MPP4: variants seen among roughly 807,000 people sequenced by gnomAD.
MPP4 encodes MAGUK p55 subfamily member 4.
MPP4 carries 91 observed loss-of-function variants against 98.3 expected under a neutral mutation model. The observed-to-expected ratio is 0.93, with a 90% CI of 0.78 to 1.10. The LOEUF (loss-of-function observed/expected upper bound fraction) is 1.10, where lower values mean the gene tolerates loss of function less well. Ranked by LOEUF, MPP4 falls within the 50% of genes least tolerant of loss-of-function variation. The probability of loss-of-function intolerance (pLI) is 0.00; values close to 1 mark genes in which losing one functional copy is unlikely to be tolerated. For missense variants in MPP4, 744 were observed against 792.9 expected, an observed-to-expected ratio of 0.94 and a Z score of 0.74; for synonymous variants, 261 against 271.8, an observed-to-expected ratio of 0.96 and a Z score of 0.39.
intron 10 of MPP4, among the ~76,000 whole-genome samples, chr2:201,678,183 A>G (rs536877977): frequency 1.3e-5 from 2 of 152,242 alleles, no homozygotes; most frequent in East Asian, 3.9e-4. Context: ...CAAGAAACCC[A>G]TAATTGGGTT....
At chr2:201,647,378 T>A (rs1474752577) in intron 21 of MPP4, among the ~76,000 whole-genome samples, 1 of 151,930 alleles carries the variant, frequency 6.6e-6, no homozygotes, top group Admixed American at 6.6e-5. Flanking sequence ...AAGTAAAAAA[T>A]AAGGGTAGCA....
Position 201,649,687 on chromosome 2 carries a change from G to T in MPP4, c.1476-3C>A. ...TGTACTCACCATACTCCAGCATCCT[G>T]CAAGAGCAGGCCAAACAAAACAGAA... On this transcript the variant is annotated splice_region_variant and splice_polypyrimidine_tract_variant and intron_variant, in intron 19 of 21. Transcript: ENST00000409474. 1 of 1,597,602 alleles carries T rather than the reference G, an allele frequency of 6.3e-7. No homozygotes were observed. Among genetic ancestry groups the T allele is most frequent in the Non-Finnish European group, 8.6e-7 (1 of 1,168,784 alleles).
At chr2:201,654,385 T>C (rs1687798641) in intron 18 of MPP4, among the ~76,000 whole-genome samples, 1 of 152,246 alleles carries the variant, frequency 6.6e-6, no homozygotes, top group African/African-American at 2.4e-5. Flanking sequence ...TGGGTGTATG[T>C]TAACTATTAT....
At chr2:201,664,779 A>G (rs567079607) in intron 13 of MPP4, among the ~76,000 whole-genome samples, 1 of 152,348 alleles carries the variant, frequency 6.6e-6, no homozygotes, top group Non-Finnish European at 1.5e-5. Flanking sequence ...ATATAGTTAT[A>G]AGGCAATTCA....
chr2:201,692,334 A>G (rs1267981995), intron 3 of MPP4, among the ~76,000 whole-genome samples: 1 of 152,142 alleles, frequency 6.6e-6, no homozygotes, highest in Admixed American at 6.5e-5. Flanking sequence ...ACCTGAGGTC[A>G]GGAGTTTGAG....
chr2:201,664,483 G>T (rs969423521), intron 13 of MPP4: 1 of 658,076 alleles, frequency 1.5e-6, no homozygotes, highest in South Asian at 1.9e-5. Context: ...GATGTAGGAG[G>T]GGTGCACCCT....
Position 201,685,101 on chromosome 2 carries a change from C to T in MPP4, c.537G>A (p.Val179=), listed in dbSNP as rs1688782967. The change falls in exon 7 of 22, where the codon GTG becomes GTA. Residue 179 remains valine, a synonymous_variant. Transcript: ENST00000409474. Reference sequence around the variant, plus strand: ...CCAGCCCACCGTGGATGATCCTGGCCACCAAGATGTCCCCTGTCATCTCGT... The same window carrying T: ...CCAGCCCACCGTGGATGATCCTGGCTACCAAGATGTCCCCTGTCATCTCGT... ...KRHEMTGDIL[V]ARIIHGGLAE... is the part of the protein sequence containing the mutation. The T allele has an allele frequency of 1.2e-6, 2 of 1,612,332 alleles. No individual in the cohort carries two copies. Among genetic ancestry groups the T allele is most frequent in the African/African-American group, 1.3e-5 (1 of 74,888 alleles).
chr2:201,654,834 T>A lies in MPP4; in HGVS notation c.1381+3A>T, dbSNP rs748665956. 3.1e-6 allele frequency: 5 copies of A among 1,595,480 alleles called. No homozygotes were observed. The highest frequency in any genetic ancestry group is 3.5e-5 in the Admixed American group (2 of 57,278). Reference sequence around the variant, plus strand: ...ACCATTATGAAAGCAGAACTAAACATACGTGGCACAGCACTTTGAAAATGG... The same window carrying A: ...ACCATTATGAAAGCAGAACTAAACAAACGTGGCACAGCACTTTGAAAATGG... On this transcript the variant is annotated splice_donor_region_variant and intron_variant, in intron 18 of 21. Transcript: ENST00000409474.
intron 1 of MPP4, among the ~76,000 whole-genome samples, chr2:201,696,387 G>A (rs72613730): frequency 0.079 from 11,965 of 152,218 alleles, 566 homozygotes; most frequent in East Asian, 0.24. Context: ...ATTGAAAAGG[G>A]AGATGGAGTG....
rs200908080 is a variant in MPP4, at chr2:201,680,989, C to T, written c.778G>A (p.Asp260Asn). The T allele has an allele frequency of 1.9e-3, 3,004 of 1,613,858 alleles. 5 individuals are homozygous for T. Among genetic ancestry groups the T allele is most frequent in the Non-Finnish European group, 2.3e-3 (2,664 of 1,179,848 alleles). Residue 260 changes from aspartate (D) to asparagine (N), a missense_variant, in exon 10 of 22, where the codon GAC (aspartate) becomes AAC (asparagine). By Grantham distance (23) the Asp-to-Asn change is conservative. Transcript: ENST00000409474. Reference sequence around the variant, plus strand: ...AATCCAGCGTCCATGCAGGGGATGTCGGGATCCTCCTGGGGCCAGTACTCA... The same window carrying T: ...AATCCAGCGTCCATGCAGGGGATGTTGGGATCCTCCTGGGGCCAGTACTCA... ...MTEYWPQEDP[D>N]IPCMDAGLPF...
chr2:201,660,755 T>C (rs1392875671), intron 14 of MPP4, among the ~76,000 whole-genome samples: 3 of 152,168 alleles, frequency 2.0e-5, no homozygotes, highest in Non-Finnish European at 4.4e-5. Flanking sequence ...GAAATGGTGC[T>C]GCTGCTGGGT....
At chr2:201,649,956 C>T in intron 19 of MPP4, 116 bp downstream of exon 19, 1 of 1,073,382 alleles carries the variant, frequency 9.3e-7, no homozygotes, top group Non-Finnish European at 1.3e-6. Context: ...TCTTGCTTAA[C>T]TCCTCAGAAA....
At chr2:201,647,636 C>G (rs1687600293) in intron 21 of MPP4, 55 bp downstream of exon 21, 1 of 1,576,554 alleles carries the variant, frequency 6.3e-7, no homozygotes, top group South Asian at 1.2e-5. Flanking sequence ...CAACCCAGAT[C>G]TCTCCCACGC....
chr2:201,685,937 C>A lies in MPP4; in HGVS notation c.474G>T (p.Val158=). Reference sequence around the variant, plus strand: ...TCCTTACCAGGGGCTGTTGGTTTTTCACTAAACAAACAATCCTCATTGCTT... The same window carrying A: ...TCCTTACCAGGGGCTGTTGGTTTTTAACTAAACAAACAATCCTCATTGCTT... ...SEEAMRIVCL[V]KNQQPLGATI... Residue 158 remains valine, a synonymous_variant, in exon 6 of 22, where the codon GTG becomes GTT. Coordinates refer to ENST00000409474, the MANE Select transcript of MPP4 (RefSeq NM_033066.3). 1 of 1,611,880 alleles carries A rather than the reference C, an allele frequency of 6.2e-7. No individual in the cohort carries two copies. The highest frequency in any genetic ancestry group is 8.5e-7 in the Non-Finnish European group (1 of 1,178,266).
At chr2:201,698,010 G>T in intron 1 of MPP4, 1 of 985,336 alleles carries the variant, frequency 1.0e-6, no homozygotes, top group South Asian at 4.7e-5. Flanking sequence ...GAGAATTCTT[G>T]ATTGAGACTG....
intron 12 of MPP4, among the ~76,000 whole-genome samples, chr2:201,669,224 C>G (rs1688270552): frequency 6.6e-6 from 1 of 151,908 alleles, no homozygotes; most frequent in Non-Finnish European, 1.5e-5. Flanking sequence ...TTCCCTAATG[C>G]AGGGCCTTTT....
chr2:201,648,096 C>T lies in MPP4; in HGVS notation c.1585-271G>A, dbSNP rs145729500. ...GGAGCGCAGGGGTGGGATCTCTGCT[C>T]ACTGCAACTACCGCCTTCCCAGTTC... On this transcript the variant is annotated intron_variant, in intron 20 of 21. Coordinates refer to ENST00000409474, the MANE Select transcript of MPP4 (RefSeq NM_033066.3). Among the ~76,000 whole-genome samples, 4 of 152,322 alleles carry T rather than the reference C, an allele frequency of 2.6e-5. No individual in the cohort carries two copies. In the East Asian group the frequency reaches 7.7e-4, roughly 29 times the overall value.
At chr2:201,684,106 G>A (rs1688746275) in intron 7 of MPP4, among the ~76,000 whole-genome samples, 1 of 151,634 alleles carries the variant, frequency 6.6e-6, no homozygotes, top group Non-Finnish European at 1.5e-5. Flanking sequence ...AGTGGACCCA[G>A]CTACTCGGGG....
chr2:201,651,675 C>T (rs748354633), intron 18 of MPP4: 28 of 985,072 alleles, frequency 2.8e-5, no homozygotes, highest in African/African-American at 3.5e-5. Context: ...TGATTTTGGC[C>T]GGGCACAGTG....
Sources: gnomAD v4.1 joint callset for allele counts (sites outside exome capture counted in the v4.1 genomes callset) on GRCh38, gnomAD v4.1.1 for gene constraint, MANE v1.5 for transcripts, NCBI Gene and HGNC (gene_info 2026-07-23, HGNC 2026-07-21) for gene names.